PRKN: variants seen among roughly 807,000 people sequenced by gnomAD.
PRKN encodes E3 ubiquitin-protein ligase parkin.
PRKN carries 56 observed loss-of-function variants against 59.5 expected under a neutral mutation model. The ratio of observed to expected loss-of-function variants is 0.94; its 90% CI spans 0.76 to 1.18. PRKN has a LOEUF of 1.18. PRKN is among the 50% of genes most tolerant of loss of function. PRKN has a pLI of 0.00. For synonymous variants in PRKN, 250 were observed against 222.1 expected (o/e 1.13, Z -1.12); for missense variants, 657 against 596.4 (o/e 1.10, Z -1.06).
intron 2 of PRKN, among the ~76,000 whole-genome samples, chr6:162,358,471 T>C (rs1784972483): frequency 1.3e-5 from 2 of 152,334 alleles, no homozygotes; most frequent in African/African-American, 2.4e-5. Flanking sequence ...AATTAAATTG[T>C]TTAATGAAAG....
intron 7 of PRKN, among the ~76,000 whole-genome samples, chr6:161,587,145 C>G (rs1265149419): frequency 2.0e-5 from 3 of 152,154 alleles, no homozygotes; most frequent in African/African-American, 7.2e-5. Context: ...AATTGGTTAC[C>G]ACTTAAAGGC....
intron 7 of PRKN, among the ~76,000 whole-genome samples, chr6:161,570,145 AAATATAT>A (rs1195049455): frequency 7.8e-6 from 1 of 128,918 alleles, no homozygotes; most frequent in Non-Finnish European, 1.6e-5. Context: ...AAAAAAAAAA[AAATATAT>A]ATATATATAT....
intron 7 of PRKN, among the ~76,000 whole-genome samples, chr6:161,709,473 G>A (rs1176406388): frequency 6.6e-6 from 1 of 152,088 alleles, no homozygotes; most frequent in Non-Finnish European, 1.5e-5. Flanking sequence ...AAGTACCAAA[G>A]TCTGAACAAA....
rs761969486 is a variant in PRKN, at chr6:162,488,941, T to C, written c.8-45468A>G. On this transcript the variant is annotated intron_variant, in intron 1 of 11. Transcript: ENST00000366898. ...GGTGATACTAAGAAGGGGGTAAAGGTGTTCCTGAAGCCTGGGGTCTGGGTC... is the reference window on the plus strand; with the variant it reads ...GGTGATACTAAGAAGGGGGTAAAGGCGTTCCTGAAGCCTGGGGTCTGGGTC... 4.3e-4 allele frequency among the ~76,000 whole-genome samples: 65 copies of C among 152,104 alleles called. 3 individuals carry two copies. The highest frequency in any genetic ancestry group is 6.6e-5 in the Admixed American group (1 of 15,264).
At position 161,459,019 on chromosome 6, in the gene PRKN, G is replaced by C. The variant is rs749024826; in HGVS notation, c.1084-72142C>G. On this transcript the variant is annotated intron_variant, in intron 9 of 11. Transcript: ENST00000366898. This position sits in a 1 kb window ranked among gnomAD's most constrained non-coding sequence, Gnocchi z 4.8. ...ATGAAAACCATGATAGTATCCAGGA[G>C]GGATTTTAAGGCAAGGCTGAGCTTT... Among the ~76,000 whole-genome samples, 5 of 152,116 alleles carry C rather than the reference G, an allele frequency of 3.3e-5. No individual in the cohort carries two copies. Among genetic ancestry groups the C allele is most frequent in the Non-Finnish European group, 7.4e-5 (5 of 68,016 alleles).
At chr6:162,424,592 C>T (rs1205700453) in intron 2 of PRKN, among the ~76,000 whole-genome samples, 5 of 151,702 alleles carry the variant, frequency 3.3e-5, no homozygotes, top group African/African-American at 7.3e-5. Flanking sequence ...AAAAATTAGC[C>T]GGGTGTGGTC....
chr6:161,941,421 C>T (rs940524723), intron 6 of PRKN, among the ~76,000 whole-genome samples: 5 of 152,168 alleles, frequency 3.3e-5, no homozygotes, highest in Non-Finnish European at 7.4e-5. Context: ...CTGAGCAGCC[C>T]GACTCCAGGT....
intron 1 of PRKN, among the ~76,000 whole-genome samples, chr6:162,495,919 C>T (rs1319946121): frequency 5.3e-5 from 8 of 152,112 alleles, no homozygotes; most frequent in Non-Finnish European, 1.5e-5. Flanking sequence ...CTAGTCCCCT[C>T]CCACATACAC....
At chr6:161,935,188 T>C (rs535981540) in intron 6 of PRKN, among the ~76,000 whole-genome samples, 3 of 152,290 alleles carry the variant, frequency 2.0e-5, no homozygotes, top group African/African-American at 7.2e-5. Flanking sequence ...ATTCCAATTT[T>C]TGTGCCAAAA....
chr6:161,733,783 AAT>A (rs1554298473), intron 7 of PRKN, among the ~76,000 whole-genome samples: 55 of 86,198 alleles, frequency 6.4e-4, no homozygotes, highest in South Asian at 4.1e-3. Context: ...AAAAAAAAAA[AAT>A]ATATATATAT....
In PRKN at chr6:161,545,386, T is replaced by C. The variant is rs1386678077; in HGVS notation, c.1083+3468A>G. 1.2e-6 allele frequency: 2 copies of C among 1,612,298 alleles called. No individual in the cohort carries two copies. The highest frequency in any genetic ancestry group is 1.3e-5 in the African/African-American group (1 of 74,936). On this transcript the variant is annotated intron_variant, in intron 9 of 11. Coordinates refer to ENST00000366898, the MANE Select transcript of PRKN (RefSeq NM_004562.3). This position sits in a 1 kb window ranked among gnomAD's most constrained non-coding sequence, Gnocchi z 4.1. ...ACTTTTCCTTGAACGATGTATTGAA[T>C]GAGGCACTCACTTCTCCCTGAGGCA... is the stretch of plus-strand genomic sequence containing the variant.
At chr6:162,429,886 G>A (rs1583559718) in intron 2 of PRKN, among the ~76,000 whole-genome samples, 2 of 152,032 alleles carry the variant, frequency 1.3e-5, no homozygotes, top group African/African-American at 2.4e-5. Flanking sequence ...CGTTTGACCC[G>A]GCTCATCCTC....
intron 9 of PRKN, among the ~76,000 whole-genome samples, chr6:161,426,490 T>G (rs1398533228): frequency 6.6e-6 from 1 of 152,024 alleles, no homozygotes; most frequent in Non-Finnish European, 1.5e-5. Flanking sequence ...CCTACATCTT[T>G]CTCCTGTGCT....
intron 2 of PRKN, among the ~76,000 whole-genome samples, chr6:162,360,703 C>A (rs1785097634): frequency 6.6e-6 from 1 of 152,136 alleles, no homozygotes; most frequent in Non-Finnish European, 1.5e-5. Flanking sequence ...GAAACACCGA[C>A]AATGGTAAGA....
Position 161,466,991 on chromosome 6 carries a change from G to A in PRKN, c.1084-80114C>T, listed in dbSNP as rs532222059. 8.1e-4 allele frequency among the ~76,000 whole-genome samples: 124 copies of A among 152,216 alleles called. No homozygotes were observed. The highest frequency in any genetic ancestry group is 1.4e-3 in the Non-Finnish European group (92 of 68,014). On this transcript the variant is annotated intron_variant, in intron 9 of 11. Transcript: ENST00000366898. The surrounding 1 kb of genome is among the most constrained non-coding windows in gnomAD (Gnocchi z 5.0). ...CATCAAGAGGTTCCTGTCTAGATTC[G>A]CGTCCTTATATACAAGCCAACTTCT...
intron 1 of PRKN, among the ~76,000 whole-genome samples, chr6:162,599,451 G>A (rs1041458692): frequency 6.6e-6 from 1 of 152,076 alleles, no homozygotes; most frequent in Non-Finnish European, 1.5e-5. Context: ...ACAGAATGGG[G>A]TTCAAATTGA....
intron 7 of PRKN, among the ~76,000 whole-genome samples, chr6:161,729,875 C>G (rs1362909661): frequency 6.6e-6 from 1 of 150,682 alleles, no homozygotes; most frequent in South Asian, 2.1e-4. Flanking sequence ...TGCATTCTTT[C>G]TGATGTGTTG....
At chr6:162,478,337 G>A (rs1162446843) in intron 1 of PRKN, among the ~76,000 whole-genome samples, 2 of 152,058 alleles carry the variant, frequency 1.3e-5, no homozygotes, top group Non-Finnish European at 2.9e-5. Flanking sequence ...ATGTTGTTGT[G>A]GCTGAAACTC....
chr6:162,620,071 C>T (rs1258148899), intron 1 of PRKN, among the ~76,000 whole-genome samples: 3 of 151,486 alleles, frequency 2.0e-5, no homozygotes, highest in East Asian at 3.9e-4. Context: ...CTGCTTTGCA[C>T]GTGCATTCTG....
Sources: allele counts gnomAD v4.1 joint callset (sites outside exome capture counted in the v4.1 genomes callset), GRCh38; gene constraint gnomAD v4.1.1; non-coding constraint Gnocchi (gnomAD v3.1); transcripts MANE v1.5; gene names NCBI Gene and HGNC (gene_info 2026-07-23, HGNC 2026-07-21).